Variants in DMD observed in about 807,000 individuals in gnomAD.
The protein encoded by DMD is dystrophin.
Under a neutral mutation model 330.1 loss-of-function variants are expected in DMD, and 63 were observed. That is an observed-to-expected ratio of 0.19 (90% CI 0.16 to 0.24). The LOEUF (loss-of-function observed/expected upper bound fraction) is 0.24. DMD is among the 10% of genes least tolerant of loss of function. The probability of loss-of-function intolerance (pLI) is 1.00; values close to 1 mark genes in which losing one functional copy is unlikely to be tolerated. For missense variants in DMD, 3,344 were observed against 2,684.1 expected (o/e 1.25, Z -5.43); for synonymous variants, 1,223 against 959.8 (o/e 1.27, Z -5.07).
intron 44 of DMD, among the ~76,000 whole-genome samples, chrX:32,038,596 G>C (rs1482385822): frequency 9.1e-6 from 1 of 110,315 alleles, no homozygotes; most frequent in Non-Finnish European, 1.9e-5. Context: ...TAAGCAATCT[G>C]AACTATTTGG....
chrX:32,948,674 G>A (rs1208819684), intron 2 of DMD, among the ~76,000 whole-genome samples: 2 of 111,816 alleles, frequency 1.8e-5, no homozygotes, highest in African/African-American at 3.3e-5. Context: ...GTAGGCTGAA[G>A]CTAATCTGTC....
At chrX:32,371,907 G>A (rs2097880048) in intron 34 of DMD, among the ~76,000 whole-genome samples, 1 of 111,573 alleles carries the variant, frequency 9.0e-6, no homozygotes, top group Non-Finnish European at 1.9e-5. Context: ...TATATTTTCT[G>A]CACTTGAAAT....
chrX:32,000,743 T>C (rs2095620719), intron 44 of DMD, among the ~76,000 whole-genome samples: 1 of 111,948 alleles, frequency 8.9e-6, no homozygotes, highest in Non-Finnish European at 1.9e-5. Context: ...TAGCCACATG[T>C]GGCTATATAA....
intron 54 of DMD, among the ~76,000 whole-genome samples, chrX:31,629,782 G>A (rs1260424752): frequency 4.5e-5 from 5 of 111,914 alleles, no homozygotes. Context: ...TGTAACTGCT[G>A]ACAATTGACT....
At chrX:31,296,386 C>T (rs1423912042) in intron 62 of DMD, among the ~76,000 whole-genome samples, 1 of 111,703 alleles carries the variant, frequency 9.0e-6, no homozygotes, top group Admixed American at 9.5e-5. Flanking sequence ...TCAACGTTTT[C>T]TATTTTCAAA....
chrX:32,733,317 G>A (rs899278900), intron 7 of DMD, among the ~76,000 whole-genome samples: 6 of 109,877 alleles, frequency 5.5e-5, no homozygotes, highest in Non-Finnish European at 1.1e-4. Context: ...AATAATGGGA[G>A]ACTTTAACAC....
At chrX:31,860,266 G>T (rs1483443079) in intron 48 of DMD, among the ~76,000 whole-genome samples, 1 of 112,342 alleles carries the variant, frequency 8.9e-6, no homozygotes, top group Non-Finnish European at 1.9e-5. Context: ...CATATTTAGG[G>T]TGACAAAATG....
At chrX:31,221,785 T>G (rs1276474509) in intron 64 of DMD, among the ~76,000 whole-genome samples, 3 of 112,574 alleles carry the variant, frequency 2.7e-5, no homozygotes, top group Non-Finnish European at 3.8e-5. Flanking sequence ...GCCGGGCGCA[T>G]TGGCTCACGC....
Position 31,147,261 on chromosome X carries a change from A to G in DMD, c.10797+14T>C, listed in dbSNP as rs1177659910. On this transcript the variant is annotated intron_variant, in intron 75 of 78. Coordinates refer to ENST00000357033, the MANE Select transcript of DMD (RefSeq NM_004006.3). ...AAAAATGAATGTTTGTAAAAATCCCATCTCTCTCCTCACTTGCTCCAGCAG... is the reference window on the plus strand; with the variant it reads ...AAAAATGAATGTTTGTAAAAATCCCGTCTCTCTCCTCACTTGCTCCAGCAG... 4 of 1,208,918 alleles carry G rather than the reference A, an allele frequency of 3.3e-6. No individual in the cohort carries two copies. Among genetic ancestry groups the G allele is most frequent in the African/African-American group, 1.8e-5 (1 of 56,975 alleles).
chrX:31,271,368 G>C lies in DMD; in HGVS notation c.9225-10352C>G, dbSNP rs745414799. On this transcript the variant is annotated intron_variant, in intron 62 of 78. Coordinates refer to ENST00000357033, the MANE Select transcript of DMD (RefSeq NM_004006.3). ...GTACTGTTGGAAGGGTCTTGGGTTC[G>C]AATGAGCCCATCTAGTGGAGGCTGT... 3.6e-5 allele frequency among the ~76,000 whole-genome samples: 4 copies of C among 111,563 alleles called. No homozygotes were observed. The Admixed American group carries it at 3.8e-4, about 11-fold the overall frequency.
At chrX:33,175,140 G>T (rs1257225296) in intron 1 of DMD, among the ~76,000 whole-genome samples, 1 of 111,806 alleles carries the variant, frequency 8.9e-6, no homozygotes, top group Admixed American at 9.5e-5. Flanking sequence ...TTCCCTCTTG[G>T]GTTATCAGAA....
intron 7 of DMD, among the ~76,000 whole-genome samples, chrX:32,805,401 A>G (rs1006079212): frequency 1.8e-5 from 2 of 111,905 alleles, no homozygotes; most frequent in Non-Finnish European, 3.8e-5. Context: ...AAGTGTGAAG[A>G]CAAGATTAGA....
At chrX:31,923,178 C>T (rs907705993) in intron 47 of DMD, among the ~76,000 whole-genome samples, 1 of 111,844 alleles carries the variant, frequency 8.9e-6, no homozygotes, top group African/African-American at 3.3e-5. Context: ...TGACACACAA[C>T]CTAGTAATAA....
chrX:31,331,184 G>C (rs1255131671), intron 61 of DMD, among the ~76,000 whole-genome samples: 2 of 111,656 alleles, frequency 1.8e-5, no homozygotes, highest in African/African-American at 3.3e-5. Context: ...TATATGAGCT[G>C]TCAGACAGAT....
chrX:32,803,427 G>GT (rs373415501), intron 7 of DMD, among the ~76,000 whole-genome samples: 7,173 of 100,086 alleles, frequency 0.072, 555 homozygotes, highest in African/African-American at 0.22. Context: ...CCTGAATTGA[G>GT]TTTTTTTTTT....
chrX:31,257,177 G>C (rs2050046514), intron 63 of DMD, among the ~76,000 whole-genome samples: 1 of 77,064 alleles, frequency 1.3e-5, no homozygotes, highest in Non-Finnish European at 2.5e-5. Context: ...ATTAGAGAAT[G>C]GAAATCTCCT....
chrX:31,244,227 C>T (rs775611924), intron 63 of DMD, among the ~76,000 whole-genome samples: 2 of 112,203 alleles, frequency 1.8e-5, no homozygotes, highest in African/African-American at 6.5e-5. Flanking sequence ...TACAAGGATA[C>T]TTGCCTTGTC....
At chrX:31,299,064 C>T (rs1204632368) in intron 62 of DMD, among the ~76,000 whole-genome samples, 2 of 111,721 alleles carry the variant, frequency 1.8e-5, no homozygotes, top group Admixed American at 9.5e-5. Context: ...ATTTCAACAC[C>T]GTTGCCTGTG....
chrX:32,909,967 G>A (rs926269538), intron 2 of DMD, among the ~76,000 whole-genome samples: 1 of 111,574 alleles, frequency 9.0e-6, no homozygotes, highest in Non-Finnish European at 1.9e-5. Flanking sequence ...GTAGACTCAG[G>A]CATATAACTT....
Sources: gnomAD v4.1 joint callset for allele counts (sites outside exome capture counted in the v4.1 genomes callset) on GRCh38, gnomAD v4.1.1 for gene constraint, MANE v1.5 for transcripts, NCBI Gene and HGNC (gene_info 2026-07-23, HGNC 2026-07-21) for gene names.